The following ZC4H2 variants were observed in gnomAD, a reference collection of about 807,000 sequenced individuals.
ZC4H2 encodes zinc finger C4H2-type containing.
For missense variants in ZC4H2, 137 were observed against 173.9 expected (o/e 0.79, Z 1.19); for synonymous variants, 84 against 66.3 (o/e 1.27, Z -1.30).
At chrX:64,956,600 G>A (rs1280959420) in intron 1 of ZC4H2, among the ~76,000 whole-genome samples, 1 of 111,468 alleles carries the variant, frequency 9.0e-6, no homozygotes, top group East Asian at 2.8e-4. Context: ...CCTCACCTAA[G>A]TAAGAACCTG....
intron 4 of ZC4H2, 100 bp from the exon 5 acceptor site, chrX:64,917,996 C>A: frequency 1.0e-6 from 1 of 996,116 alleles, no homozygotes; most frequent in Non-Finnish European, 1.4e-6. Flanking sequence ...AAAGTGATTT[C>A]CCATCAGAAG....
chrX:65,014,100 T>C (rs1343908219), intron 1 of ZC4H2, among the ~76,000 whole-genome samples: 1 of 111,110 alleles, frequency 9.0e-6, no homozygotes, highest in Non-Finnish European at 1.9e-5. Context: ...AATCTGACTA[T>C]CTGTTAGAGA....
rs753358801 is a variant in ZC4H2 at position 64,957,685 on chromosome X, C to T, written c.53+18640G>A. Reference sequence around the variant, plus strand: ...GACCAGCCTAGGCAACATAGGAAGACCCTATCTCTATTAAAAAAATATATA... The same window carrying T: ...GACCAGCCTAGGCAACATAGGAAGATCCTATCTCTATTAAAAAAATATATA... On this transcript the variant is annotated intron_variant, in intron 1 of 4. Coordinates refer to ENST00000374839, the MANE Select transcript of ZC4H2 (RefSeq NM_018684.4). Among the ~76,000 whole-genome samples the T allele has an allele frequency of 4.1e-4, 45 of 108,781 alleles. No individual in the cohort carries two copies. The East Asian group carries it at 0.012, about 29-fold the overall frequency. The allele number at this position is 108,781 out of a possible 115,157, so 94.5% of individuals were successfully genotyped here.
At chrX:64,996,668 TA>T (rs1416346234) in intron 1 of ZC4H2, among the ~76,000 whole-genome samples, 2 of 111,809 alleles carry the variant, frequency 1.8e-5, no homozygotes, top group African/African-American at 3.2e-5. Flanking sequence ...AACAGATTTT[TA>T]AGCTGAAAAG....
intron 1 of ZC4H2, among the ~76,000 whole-genome samples, chrX:64,970,452 C>T (rs1931739511): frequency 1.0e-5 from 1 of 97,599 alleles, no homozygotes; most frequent in Non-Finnish European, 2.0e-5. Flanking sequence ...GACTGCCACA[C>T]CAATGGCGGA....
intron 1 of ZC4H2, among the ~76,000 whole-genome samples, chrX:64,998,376 C>T (rs181859565): frequency 1.8e-4 from 20 of 111,650 alleles, no homozygotes; most frequent in African/African-American, 6.2e-4. Flanking sequence ...ATACTAATGT[C>T]AGACAAAATA....
At chrX:64,950,674 C>A (rs895253224) in intron 1 of ZC4H2, among the ~76,000 whole-genome samples, 1 of 110,722 alleles carries the variant, frequency 9.0e-6, no homozygotes, top group African/African-American at 3.3e-5. Flanking sequence ...TTGCAATCCC[C>A]ACCTTTTTTG....
At position 64,985,747 on chromosome X, in the gene ZC4H2, G is replaced by A. The variant is rs190016373; in HGVS notation, c.-272+48882C>T. ...GTTTTCAGAACTAGATCTGTTGCAG[G>A]CACCGTTAGAAACCTTGAATCAATT... On this transcript the variant is annotated intron_variant, in intron 1 of 4. Transcript: ENST00000337990. Among the ~76,000 whole-genome samples the A allele has an allele frequency of 9.0e-5, 10 of 111,653 alleles. No homozygotes were observed. In the East Asian group the frequency reaches 2.6e-3, roughly 29 times the overall value.
At chrX:64,941,539 T>G (rs924285933) in intron 1 of ZC4H2, among the ~76,000 whole-genome samples, 1 of 112,163 alleles carries the variant, frequency 8.9e-6, no homozygotes, top group Admixed American at 9.5e-5. Flanking sequence ...TTGTCATAAA[T>G]AGCTCTTATT....
chrX:65,034,575 C>G (rs1419131985), intron 1 of ZC4H2: 1 of 112,294 alleles, frequency 8.9e-6, no homozygotes, highest in Non-Finnish European at 1.9e-5. Context: ...TATCCCAAGT[C>G]CTCGGGCCTA....
At chrX:64,943,666 C>A (rs373625777) in intron 1 of ZC4H2, among the ~76,000 whole-genome samples, 1 of 110,389 alleles carries the variant, frequency 9.1e-6, no homozygotes, top group East Asian at 2.8e-4. Flanking sequence ...TTTTTTTTTG[C>A]TTTCCATTTG....
chrX:65,001,642 G>A (rs1401049704), intron 1 of ZC4H2, among the ~76,000 whole-genome samples: 1 of 111,572 alleles, frequency 9.0e-6, no homozygotes, highest in Admixed American at 9.5e-5. Flanking sequence ...AAAAGAAACA[G>A]AATGGCAAAT....
At chrX:64,934,709 G>C (rs1055931575) in intron 1 of ZC4H2, among the ~76,000 whole-genome samples, 1 of 111,846 alleles carries the variant, frequency 8.9e-6, no homozygotes, top group African/African-American at 3.2e-5. Flanking sequence ...AGCAAGGTGG[G>C]GCATCGCCTC....
chrX:64,988,582 G>T (rs1439909754), intron 1 of ZC4H2, among the ~76,000 whole-genome samples: 5 of 106,263 alleles, frequency 4.7e-5, no homozygotes, highest in African/African-American at 1.4e-4. Context: ...TGATGGGTTT[G>T]TTTTTTTTTT....
At chrX:64,927,509 G>A (rs182368295) in intron 1 of ZC4H2, among the ~76,000 whole-genome samples, 168 of 111,826 alleles carry the variant, frequency 1.5e-3, no homozygotes, top group Admixed American at 4.1e-3. Flanking sequence ...TAAGTGCCAC[G>A]TTTTCTTTAT....
At position 64,958,692 on chromosome X, in the gene ZC4H2, C is replaced by T. The variant is rs1002562721; in HGVS notation, c.53+17633G>A. On this transcript the variant is annotated intron_variant, in intron 1 of 4. Coordinates refer to ENST00000374839, the MANE Select transcript of ZC4H2 (RefSeq NM_018684.4). ...ATCCCAGGAGTTGGATTTCAGGGGC[C>T]CAGGTAATGTGCATTCTTACTTTGA... Among the ~76,000 whole-genome samples, 6 of 110,538 alleles carry T rather than the reference C, an allele frequency of 5.4e-5. No individual in the cohort carries two copies. In the South Asian group the frequency reaches 1.9e-3, roughly 35 times the overall value.
chrX:64,983,722 C>A (rs372238374), intron 1 of ZC4H2, among the ~76,000 whole-genome samples: 14 of 111,406 alleles, frequency 1.3e-4, no homozygotes, highest in Non-Finnish European at 2.3e-4. Context: ...TAAACTAGAT[C>A]AAAAAATAAC....
intron 1 of ZC4H2, among the ~76,000 whole-genome samples, chrX:64,926,314 A>T (rs1235143726): frequency 1.8e-5 from 2 of 112,445 alleles, no homozygotes; most frequent in Admixed American, 9.4e-5. Flanking sequence ...AATGTCTATT[A>T]AAGGACATCT....
At chrX:64,957,513 T>A (rs1380703266) in intron 1 of ZC4H2, among the ~76,000 whole-genome samples, 1 of 112,118 alleles carries the variant, frequency 8.9e-6, no homozygotes, top group Non-Finnish European at 1.9e-5. Context: ...TAAGCGTTTT[T>A]TCTATGTTTG....
Sources: gnomAD v4.1 joint callset for allele counts (sites outside exome capture counted in the v4.1 genomes callset) on GRCh38, gnomAD v4.1.1 for gene constraint, MANE v1.5 for transcripts, NCBI Gene and HGNC (gene_info 2026-07-23, HGNC 2026-07-21) for gene names.